Variants in MTF1 observed in about 807,000 individuals in gnomAD.
MTF1 encodes the protein metal regulatory transcription factor 1, also known as MRE-binding transcription factor.
Under a neutral mutation model 70.4 loss-of-function variants are expected in MTF1, and 22 were observed. That is an observed-to-expected ratio of 0.31 (90% CI 0.22 to 0.45). The LOEUF is 0.45. MTF1 is among the 20% of genes least tolerant of loss of function. The pLI, the probability that MTF1 is intolerant of heterozygous loss-of-function variation, is 1.00. For synonymous variants in MTF1, 333 were observed against 352.8 expected (o/e 0.94, Z 0.63); for missense variants, 649 against 922.0 (o/e 0.70, Z 3.83).
rs553665335 is a variant in MTF1, at chr1:37,831,369, C to G, written c.1068+876G>C. On this transcript the variant is annotated intron_variant, in intron 7 of 10. Transcript: ENST00000373036. The stretch of plus-strand genomic sequence containing the variant: ...AACTTCAGAAGTGCTGTAATTGACT[C>G]CACTAACCACTCTTTCACAGCATTC... 9.2e-5 allele frequency among the ~76,000 whole-genome samples: 14 copies of G among 152,272 alleles called. No individual in the cohort carries two copies. In the East Asian group the frequency reaches 2.5e-3, roughly 27 times the overall value.
At chr1:37,832,164 G>T in intron 7 of MTF1, 81 bp downstream of exon 7, 2 of 883,206 alleles carry the variant, frequency 2.3e-6, no homozygotes, top group Non-Finnish European at 3.7e-6. Flanking sequence ...TCAAAGACTG[G>T]CCTGCCTCAA....
At chr1:37,829,372 C>T (rs1028418345) in intron 7 of MTF1, among the ~76,000 whole-genome samples, 2 of 152,074 alleles carry the variant, frequency 1.3e-5, no homozygotes, top group African/African-American at 4.8e-5. Flanking sequence ...CACTGTGTTG[C>T]CCAGACTGGT....
At position 37,815,008 on chromosome 1, in the gene MTF1, G is replaced by T; in HGVS notation, c.*128C>A. On this transcript the variant is annotated 3_prime_UTR_variant, in exon 11 of 11. Transcript: ENST00000373036. This position sits in a 1 kb window ranked among gnomAD's most constrained non-coding sequence, Gnocchi z 4.5. ...CCTGGGATGTGAATAAAGAAAATAC[G>T]TCTGAAAGGTGAGGATTTCAAACAG... 1 of 747,062 alleles carries T rather than the reference G, an allele frequency of 1.3e-6. No homozygotes were observed. 46.3% of individuals were successfully genotyped at this position (747,062 alleles called of 1,614,324 possible).
At position 37,822,258 on chromosome 1, in the gene MTF1, G is replaced by A; in HGVS notation, c.1630C>T (p.Leu544=). 1.2e-6 allele frequency: 2 copies of A among 1,614,182 alleles called. No individual in the cohort carries two copies. The highest frequency in any genetic ancestry group is 1.1e-5 in the South Asian group (1 of 91,072). ...QTLPLGANSV[L]TNNPTITITP... is the part of the protein sequence containing the mutation. ...ATGGTTATTGTGGGATTATTAGTTA[G>A]GACAGAGTTGGCACCCAGGGGCAGA... is the stretch of plus-strand genomic sequence containing the variant. Residue 544 remains leucine (L), a synonymous_variant, in exon 9 of 11, where the codon CTA becomes TTA. Transcript: ENST00000373036.
chr1:37,857,730 A>T, intron 1 of MTF1, 21 bp from the exon 2 acceptor site: 1 of 1,492,668 alleles, frequency 6.7e-7, no homozygotes, highest in Non-Finnish European at 9.2e-7. Flanking sequence ...ACAAAGCCAG[A>T]GTTAGAGTCA....
intron 2 of MTF1, among the ~76,000 whole-genome samples, chr1:37,855,861 G>C (rs1191205480): frequency 6.6e-6 from 1 of 152,084 alleles, no homozygotes; most frequent in African/African-American, 2.4e-5. Context: ...AGGAGGCTGA[G>C]GCAGGAGAAT....
intron 4 of MTF1, among the ~76,000 whole-genome samples, chr1:37,836,935 G>A (rs955935668): frequency 3.8e-5 from 5 of 132,624 alleles, no homozygotes; most frequent in African/African-American, 1.5e-4. Flanking sequence ...AGCAGCCTAC[G>A]GGAAGGGGGG....
At chr1:37,846,697 G>A (rs1352596991) in intron 2 of MTF1, among the ~76,000 whole-genome samples, 1 of 151,908 alleles carries the variant, frequency 6.6e-6, no homozygotes, top group Non-Finnish European at 1.5e-5. Context: ...ATAAGCAAAA[G>A]TGAGAAAATA....
At chr1:37,859,028 A>C (rs1458518566) in intron 1 of MTF1, among the ~76,000 whole-genome samples, 4 of 152,210 alleles carry the variant, frequency 2.6e-5, no homozygotes, top group Non-Finnish European at 5.9e-5. Flanking sequence ...AAAGGATTGG[A>C]TCCGGGAGGT....
At chr1:37,851,769 A>C (rs1019677890) in intron 2 of MTF1, among the ~76,000 whole-genome samples, 1 of 152,122 alleles carries the variant, frequency 6.6e-6, no homozygotes, top group African/African-American at 2.4e-5. Flanking sequence ...ACTATGTCCA[A>C]ATTACCTATG....
rs570208778 is a variant in MTF1, at chr1:37,857,580, G to A, written c.79C>T (p.Leu27Phe). Residue 27 changes from leucine to phenylalanine, a missense_variant, in exon 2 of 11, where the codon CTC (leucine) becomes TTC (phenylalanine). Transcript: ENST00000373036. ...AGTCCGTTTTTATCCACAAACCTGA[G>A]CATTTTATCATCGGGGGTCAGCTCA... ...EDELTPDDKMLRFVDKNGLVP... is the reference protein window; with the variant it reads ...EDELTPDDKMFRFVDKNGLVP... 7 of 1,614,068 alleles carry A rather than the reference G, an allele frequency of 4.3e-6. No individual in the cohort carries two copies. The highest frequency in any genetic ancestry group is 5.9e-6 in the Non-Finnish European group (7 of 1,180,040).
intron 3 of MTF1, among the ~76,000 whole-genome samples, chr1:37,839,047 G>A (rs1040295115): frequency 4.0e-5 from 6 of 151,724 alleles, no homozygotes; most frequent in African/African-American, 7.3e-5. Context: ...CAGGTGATCC[G>A]CCTGCCTCGG....
At chr1:37,843,353 A>C (rs1261906791) in intron 2 of MTF1, among the ~76,000 whole-genome samples, 1 of 152,070 alleles carries the variant, frequency 6.6e-6, no homozygotes, top group East Asian at 1.9e-4. Context: ...GAGGCAGAAA[A>C]GTCCTGGAAG....
At chr1:37,830,769 C>A (rs748040591) in intron 7 of MTF1, among the ~76,000 whole-genome samples, 11 of 152,228 alleles carry the variant, frequency 7.2e-5, no homozygotes, top group Non-Finnish European at 1.5e-4. Context: ...GCAGTGGATG[C>A]AGCTATGATC....
At chr1:37,821,381 G>C (rs1466528602) in intron 9 of MTF1, among the ~76,000 whole-genome samples, 3 of 152,030 alleles carry the variant, frequency 2.0e-5, no homozygotes, top group African/African-American at 7.3e-5. Flanking sequence ...AATAATAGCT[G>C]TTGATGTTTT....
chr1:37,812,181 T>A lies in MTF1; in HGVS notation c.*2955A>T, dbSNP rs1557582504. 1 of 152,210 alleles carries A rather than the reference T, an allele frequency of 6.6e-6. No individual in the cohort carries two copies. The highest frequency in any genetic ancestry group is 2.4e-5 in the African/African-American group (1 of 41,450). The allele number at this position is 152,210 out of a possible 1,614,324, so 9.4% of individuals were successfully genotyped here. On this transcript the variant is annotated 3_prime_UTR_variant, in exon 11 of 11. Transcript: ENST00000373036. The stretch of plus-strand genomic sequence containing the variant: ...AGAATTCTACAAATCCTCCCTAACC[T>A]CACCCTAGGTTCATTTCCCAAGTTT...
At chr1:37,856,257 C>T (rs1357060428) in intron 2 of MTF1, among the ~76,000 whole-genome samples, 1 of 147,262 alleles carries the variant, frequency 6.8e-6, no homozygotes, top group Non-Finnish European at 1.5e-5. Context: ...GGCTCCCTGC[C>T]ACCTCCACCT....
At chr1:37,854,400 G>T (rs544796166) in intron 2 of MTF1, among the ~76,000 whole-genome samples, 1 of 152,134 alleles carries the variant, frequency 6.6e-6, no homozygotes, top group African/African-American at 2.4e-5. Flanking sequence ...TCTAGAGCAG[G>T]GTTTCTCAAT....
chr1:37,856,518 T>C (rs1393256182), intron 2 of MTF1, among the ~76,000 whole-genome samples: 1 of 136,864 alleles, frequency 7.3e-6, no homozygotes, highest in South Asian at 2.3e-4. Flanking sequence ...TTTTTTTTTT[T>C]AGATGGAGTC....
Sources: gnomAD v4.1 joint callset for allele counts (sites outside exome capture counted in the v4.1 genomes callset) on GRCh38, gnomAD v4.1.1 for gene constraint, Gnocchi (gnomAD v3.1) non-coding constraint, MANE v1.5 for transcripts, NCBI Gene and HGNC (gene_info 2026-07-23, HGNC 2026-07-21) for gene names.